Variants in ADCY2 observed in about 807,000 individuals in gnomAD.
ADCY2 encodes the protein adenylate cyclase 2.
In ADCY2, 31 loss-of-function variants were observed where a neutral mutation model predicts 125.2. The ratio of observed to expected loss-of-function variants is 0.25; its 90% CI spans 0.19 to 0.33. The LOEUF is 0.33. ADCY2 is among the 10% of genes least tolerant of loss of function. The pLI, the probability that ADCY2 is intolerant of heterozygous loss-of-function variation, is 1.00. For synonymous variants in ADCY2, 512 were observed against 548.4 expected (o/e 0.93, Z 0.93); for missense variants, 904 against 1,418.2 (o/e 0.64, Z 5.82).
chr5:7,625,867 G>C (rs141318216), intron 3 of ADCY2, among the ~76,000 whole-genome samples: 163 of 152,250 alleles, frequency 1.1e-3, no homozygotes, highest in African/African-American at 3.7e-3. Context: ...GATCTAGCTC[G>C]TGATTATTTC....
chr5:7,616,065 C>T (rs1364830940), intron 3 of ADCY2, among the ~76,000 whole-genome samples: 3 of 152,014 alleles, frequency 2.0e-5, no homozygotes, highest in Non-Finnish European at 4.4e-5. Context: ...TTGCTATGAC[C>T]TCACTAAGTA....
chr5:7,537,116 G>A (rs1394216828), intron 3 of ADCY2, among the ~76,000 whole-genome samples: 4 of 152,038 alleles, frequency 2.6e-5, no homozygotes, highest in Non-Finnish European at 5.9e-5. Context: ...GATTCTTATA[G>A]GAAATCTTAC....
intron 3 of ADCY2, among the ~76,000 whole-genome samples, chr5:7,577,014 A>G (rs1374566590): frequency 3.9e-5 from 6 of 152,220 alleles, no homozygotes; most frequent in South Asian, 4.1e-4. Flanking sequence ...AGCAGTCCCA[A>G]CATCTCAAGA....
intron 3 of ADCY2, among the ~76,000 whole-genome samples, chr5:7,574,774 G>A (rs1736189963): frequency 6.6e-6 from 1 of 152,172 alleles, no homozygotes; most frequent in Admixed American, 6.5e-5. Flanking sequence ...AGGGAAGCCT[G>A]TAATCATGTA....
At chr5:7,706,978 G>T in intron 8 of ADCY2, 76 bp downstream of exon 8, 1 of 1,562,158 alleles carries the variant, frequency 6.4e-7, no homozygotes, top group Non-Finnish European at 8.7e-7. Context: ...CCTAATGACG[G>T]AGTGCTCAGT....
intron 3 of ADCY2, among the ~76,000 whole-genome samples, chr5:7,598,799 T>C (rs894936109): frequency 7.2e-5 from 11 of 152,198 alleles, no homozygotes; most frequent in Non-Finnish European, 1.0e-4. Flanking sequence ...GTCTCCCCTC[T>C]GACAGTGATT....
intron 23 of ADCY2, 21 bp downstream of exon 23, chr5:7,817,001 C>G: frequency 6.3e-7 from 1 of 1,589,322 alleles, no homozygotes; most frequent in South Asian, 1.1e-5. Flanking sequence ...CAAAAGAGGT[C>G]TCGGTTTCAG....
chr5:7,623,227 C>G (rs777192599), intron 3 of ADCY2, among the ~76,000 whole-genome samples: 1 of 152,142 alleles, frequency 6.6e-6, no homozygotes, highest in Non-Finnish European at 1.5e-5. Context: ...GGGTTTGCTT[C>G]GAAGGCATTT....
chr5:7,661,582 A>G (rs1377781726), intron 4 of ADCY2, among the ~76,000 whole-genome samples: 2 of 152,242 alleles, frequency 1.3e-5, no homozygotes, highest in Middle Eastern at 3.2e-3. Flanking sequence ...CTTGGTTTTA[A>G]TGGTCGAATA....
In ADCY2 at chr5:7,784,382, A is replaced by G; in HGVS notation, c.2402A>G (p.Asp801Gly). The change falls in exon 19 of 25, where the codon GAC becomes GGC. Residue 801 changes from aspartate to glycine, a missense_variant. Transcript: ENST00000338316. The part of the protein sequence containing the change: ...VLFERPGIWK[D>G]LKTMGSVSLS... ...TTTAATAGACCAGGCATTTGGAAAG[A>G]CCTGAAGACCATGGGCTCTGTGTCT... 1 of 1,613,842 alleles carries G rather than the reference A, an allele frequency of 6.2e-7. No individual in the cohort carries two copies. The highest frequency in any genetic ancestry group is 1.1e-5 in the South Asian group (1 of 91,064).
chr5:7,768,724 C>A (rs552741833), intron 17 of ADCY2, among the ~76,000 whole-genome samples: 3 of 152,264 alleles, frequency 2.0e-5, no homozygotes, highest in South Asian at 4.2e-4. Flanking sequence ...AACATTTACT[C>A]AACCTTTAAA....
chr5:7,492,168 C>T (rs1743186679), intron 2 of ADCY2, among the ~76,000 whole-genome samples: 1 of 152,138 alleles, frequency 6.6e-6, no homozygotes, highest in African/African-American at 2.4e-5. Flanking sequence ...AGAAAGGGAC[C>T]ATCACAAGGA....
chr5:7,505,558 T>A (rs569464746), intron 2 of ADCY2, among the ~76,000 whole-genome samples: 7 of 152,332 alleles, frequency 4.6e-5, no homozygotes, highest in African/African-American at 1.7e-4. Context: ...GTTATGTAAT[T>A]CAAGAAAGCC....
chr5:7,428,938 C>T (rs1054457933), intron 2 of ADCY2, among the ~76,000 whole-genome samples: 1 of 152,020 alleles, frequency 6.6e-6, no homozygotes, highest in Non-Finnish European at 1.5e-5. Flanking sequence ...GTTGAGGAAA[C>T]AGAATTCTGA....
At position 7,770,012 on chromosome 5, in the gene ADCY2, G is replaced by A. The variant is rs193078080; in HGVS notation, c.2215-2920G>A. 2.4e-3 allele frequency among the ~76,000 whole-genome samples: 360 copies of A among 152,280 alleles called. 1 individual carries two copies. The highest frequency in any genetic ancestry group is 4.0e-3 in the Non-Finnish European group (275 of 68,022). On this transcript the variant is annotated intron_variant, in intron 17 of 24. Coordinates refer to ENST00000338316, the MANE Select transcript of ADCY2 (RefSeq NM_020546.3). ...GGAGCCAGGACAGGCTCCCAGCCTGGTATCCTGCAGTGTCCTCTCCCACAC... is the reference window on the plus strand; with the variant it reads ...GGAGCCAGGACAGGCTCCCAGCCTGATATCCTGCAGTGTCCTCTCCCACAC...
At chr5:7,762,910 G>A (rs545477201) in intron 16 of ADCY2, among the ~76,000 whole-genome samples, 171 of 152,072 alleles carry the variant, frequency 1.1e-3, no homozygotes, top group African/African-American at 3.8e-3. Flanking sequence ...TAAGTCACGG[G>A]GAAGAACATT....
intron 2 of ADCY2, among the ~76,000 whole-genome samples, chr5:7,512,395 C>T (rs1213799332): frequency 1.3e-5 from 2 of 151,860 alleles, no homozygotes; most frequent in Admixed American, 6.6e-5. Context: ...CAGGGATGAT[C>T]ATGTGATTTG....
intron 2 of ADCY2, among the ~76,000 whole-genome samples, chr5:7,515,296 G>C (rs1032942734): frequency 1.3e-5 from 2 of 152,236 alleles, no homozygotes; most frequent in Non-Finnish European, 2.9e-5. Flanking sequence ...CAGTGTTCAT[G>C]TTCTCCTTGC....
At chr5:7,499,210 G>A (rs1447621579) in intron 2 of ADCY2, among the ~76,000 whole-genome samples, 2 of 152,080 alleles carry the variant, frequency 1.3e-5, no homozygotes, top group Non-Finnish European at 2.9e-5. Context: ...GTTTCACCAT[G>A]TTCGCCAGGA....
Sources: allele counts gnomAD v4.1 joint callset (sites outside exome capture counted in the v4.1 genomes callset), GRCh38; gene constraint gnomAD v4.1.1; transcripts MANE v1.5; gene names NCBI Gene and HGNC (gene_info 2026-07-23, HGNC 2026-07-21).